Variants in NRXN3 observed in about 807,000 individuals in gnomAD.
NRXN3 encodes neurexin 3, also known as neurexin III.
NRXN3 carries 32 observed loss-of-function variants against 137.6 expected under a neutral mutation model. The observed-to-expected ratio is 0.23, with a 90% CI of 0.18 to 0.31. The LOEUF (loss-of-function observed/expected upper bound fraction) is 0.31, where lower values mean the gene tolerates loss of function less well. NRXN3 is among the 10% of genes least tolerant of loss of function. The probability of loss-of-function intolerance (pLI) is 1.00; values close to 1 mark genes in which losing one functional copy is unlikely to be tolerated. For synonymous variants in NRXN3, 798 were observed against 784.5 expected (o/e 1.02, Z -0.29); for missense variants, 1,574 against 2,062.5 (o/e 0.76, Z 4.59).
chr14:78,938,343 TTA>T (rs748532606), intron 10 of NRXN3, among the ~76,000 whole-genome samples: 11 of 152,220 alleles, frequency 7.2e-5, no homozygotes, highest in Non-Finnish European at 1.5e-4. Flanking sequence ...GGCTCACTAC[TTA>T]TTGTGAGGCA....
At chr14:79,841,552 T>C (rs753869659) in intron 20 of NRXN3, among the ~76,000 whole-genome samples, 1 of 152,222 alleles carries the variant, frequency 6.6e-6, no homozygotes, top group Non-Finnish European at 1.5e-5. Context: ...CCACTGCTCC[T>C]GTGTTCTACG....
intron 8 of NRXN3, among the ~76,000 whole-genome samples, chr14:78,773,284 G>A (rs1017032961): frequency 3.3e-5 from 5 of 152,116 alleles, no homozygotes; most frequent in Non-Finnish European, 5.9e-5. Flanking sequence ...TGGGACTATG[G>A]GTGGGAGAGT....
intron 4 of NRXN3, among the ~76,000 whole-genome samples, chr14:78,514,312 G>T (rs556052187): frequency 4.6e-5 from 7 of 152,260 alleles, no homozygotes; most frequent in Non-Finnish European, 7.4e-5. Context: ...AGAGGTTAGG[G>T]AAGATTCTGT....
chr14:78,417,871 CTT>C (rs1183372762), intron 4 of NRXN3, among the ~76,000 whole-genome samples: 1 of 152,198 alleles, frequency 6.6e-6, no homozygotes, highest in Non-Finnish European at 1.5e-5. Flanking sequence ...ATTCTCCTCT[CTT>C]AGCCTCCTGA....
At chr14:79,670,285 A>G (rs537468775) in intron 17 of NRXN3, among the ~76,000 whole-genome samples, 3 of 152,174 alleles carry the variant, frequency 2.0e-5, no homozygotes, top group South Asian at 4.1e-4. Flanking sequence ...ATATTATACA[A>G]TCACAGGGAT....
chr14:78,312,769 A>C (rs2078125060), intron 4 of NRXN3, among the ~76,000 whole-genome samples: 1 of 152,086 alleles, frequency 6.6e-6, no homozygotes, highest in South Asian at 2.1e-4. Context: ...TTGTTGCAAA[A>C]TTGCCTTCCT....
chr14:79,015,088 A>G (rs2099577104), intron 15 of NRXN3, among the ~76,000 whole-genome samples: 1 of 152,102 alleles, frequency 6.6e-6, no homozygotes, highest in Admixed American at 6.5e-5. Context: ...TCTTGGTGAC[A>G]GATGTTCCTC....
At chr14:79,676,276 A>C (rs530869259) in intron 17 of NRXN3, among the ~76,000 whole-genome samples, 1 of 152,016 alleles carries the variant, frequency 6.6e-6, no homozygotes, top group East Asian at 1.9e-4. Flanking sequence ...AGACCAGGCT[A>C]TCAGTTTTTA....
Position 79,419,814 on chromosome 14 carries a change from C to A in NRXN3, c.3263-47407C>A, listed in dbSNP as rs192884843. On this transcript the variant is annotated intron_variant, in intron 15 of 20. Transcript: ENST00000335750. ...GATTGGATTACATAATGCAAGTAAACAACTCTGCACAGTACCTGGCTCATA... is the reference window on the plus strand; with the variant it reads ...GATTGGATTACATAATGCAAGTAAAAAACTCTGCACAGTACCTGGCTCATA... Among the ~76,000 whole-genome samples, 224 of 152,280 alleles carry A rather than the reference C, an allele frequency of 1.5e-3. 1 individual carries two copies. The Middle Eastern group carries it at 0.02, about 14-fold the overall frequency.
intron 1 of NRXN3, among the ~76,000 whole-genome samples, chr14:78,197,904 C>G (rs766474442): frequency 1.7e-4 from 26 of 152,188 alleles, no homozygotes; most frequent in Non-Finnish European, 3.4e-4. Flanking sequence ...ATTCCAGAAC[C>G]TTGATTGAGT....
intron 15 of NRXN3, among the ~76,000 whole-genome samples, chr14:79,259,838 G>T (rs1331942593): frequency 6.6e-6 from 1 of 151,498 alleles, no homozygotes; most frequent in African/African-American, 2.4e-5. Flanking sequence ...TCATCTACAT[G>T]GAGCACTGAA....
At position 78,281,364 on chromosome 14, in the gene NRXN3, A is replaced by T. The variant is rs1357060733; in HGVS notation, c.727+2702A>T. 2.0e-5 allele frequency among the ~76,000 whole-genome samples: 3 copies of T among 152,324 alleles called. No individual in the cohort carries two copies. In the East Asian group the frequency reaches 5.8e-4, roughly 29 times the overall value. ...ATTTTATGAGCTAATGTAACTATTTACCCAGAGGCCGCTGGAAGACTATAA... is the reference window on the plus strand; with the variant it reads ...ATTTTATGAGCTAATGTAACTATTTTCCCAGAGGCCGCTGGAAGACTATAA... On this transcript the variant is annotated intron_variant, in intron 3 of 20. Transcript: ENST00000335750.
chr14:79,110,412 CT>C (rs2053257019), intron 15 of NRXN3, among the ~76,000 whole-genome samples: 1 of 152,192 alleles, frequency 6.6e-6, no homozygotes, highest in African/African-American at 2.4e-5. Flanking sequence ...AATAATGCTG[CT>C]TGCAGAATGA....
intron 4 of NRXN3, among the ~76,000 whole-genome samples, chr14:78,366,134 T>A (rs2085908154): frequency 6.6e-6 from 1 of 152,184 alleles, no homozygotes; most frequent in African/African-American, 2.4e-5. Context: ...GAGAATTAAG[T>A]AAAGAGATTA....
chr14:78,648,527 T>A (rs1298127631), intron 5 of NRXN3, among the ~76,000 whole-genome samples: 3 of 152,120 alleles, frequency 2.0e-5, no homozygotes, highest in Non-Finnish European at 4.4e-5. Context: ...AGATTCTAAT[T>A]TTTTTTGATA....
chr14:78,535,240 T>TG (rs2096523911), intron 4 of NRXN3, among the ~76,000 whole-genome samples: 1 of 151,946 alleles, frequency 6.6e-6, no homozygotes, highest in Admixed American at 6.6e-5. Flanking sequence ...ACTCTGCTTC[T>TG]CTGTTTACTG....
intron 16 of NRXN3, among the ~76,000 whole-genome samples, chr14:79,621,472 G>T (rs192682354): frequency 6.6e-6 from 1 of 152,308 alleles, no homozygotes; most frequent in Admixed American, 6.5e-5. Context: ...ATAAGTGATA[G>T]GGTTTTCTGT....
intron 10 of NRXN3, among the ~76,000 whole-genome samples, chr14:78,833,851 A>G (rs1051954196): frequency 6.6e-6 from 1 of 152,190 alleles, no homozygotes; most frequent in African/African-American, 2.4e-5. Context: ...ATCTTAGTGC[A>G]TTCAAAAACA....
At chr14:79,555,511 G>C (rs965695936) in intron 16 of NRXN3, among the ~76,000 whole-genome samples, 2 of 152,122 alleles carry the variant, frequency 1.3e-5, no homozygotes, top group Non-Finnish European at 2.9e-5. Flanking sequence ...CTAGGATATA[G>C]TAACAAAATA....
Sources: allele counts gnomAD v4.1 joint callset (sites outside exome capture counted in the v4.1 genomes callset), GRCh38; gene constraint gnomAD v4.1.1; transcripts MANE v1.5; gene names NCBI Gene and HGNC (gene_info 2026-07-23, HGNC 2026-07-21).